NKAIN3: variants seen among roughly 807,000 people sequenced by gnomAD.
NKAIN3 encodes sodium/potassium transporting ATPase interacting 3.
In NKAIN3, 25 loss-of-function variants were observed where a neutral mutation model predicts 30.2. The observed-to-expected ratio is 0.83, with a 90% CI of 0.60 to 1.16. The LOEUF (loss-of-function observed/expected upper bound fraction) is 1.16, where lower values mean the gene tolerates loss of function less well. NKAIN3 is among the 50% of genes most tolerant of loss of function. The pLI is 0.00. For synonymous variants in NKAIN3, 91 were observed against 89.6 expected, an observed-to-expected ratio of 1.02 and a Z score of -0.09; for missense variants, 225 against 254.1, an observed-to-expected ratio of 0.89 and a Z score of 0.78.
intron 1 of NKAIN3, among the ~76,000 whole-genome samples, chr8:62,545,375 C>T (rs1808971762): frequency 6.6e-6 from 1 of 152,064 alleles, no homozygotes; most frequent in African/African-American, 2.4e-5. Flanking sequence ...CATTTGAGGC[C>T]AGGAGTTCAA....
chr8:62,434,368 C>G (rs1805106347), intron 1 of NKAIN3, among the ~76,000 whole-genome samples: 1 of 152,120 alleles, frequency 6.6e-6, no homozygotes, highest in Admixed American at 6.5e-5. Flanking sequence ...TTCCTGGATG[C>G]AGTGGCATTG....
chr8:62,704,523 A>C (rs1167369834), intron 3 of NKAIN3, among the ~76,000 whole-genome samples: 6 of 152,090 alleles, frequency 3.9e-5, no homozygotes, highest in Non-Finnish European at 2.9e-5. Flanking sequence ...AACAATTCTT[A>C]GTTGTAGGCT....
rs60157619 is a variant in NKAIN3, at chr8:62,608,709, T to C, written c.273+18915T>C. Among the ~76,000 whole-genome samples, 693 of 152,334 alleles carry C rather than the reference T, an allele frequency of 4.5e-3. 2 individuals carry two copies. Among genetic ancestry groups the C allele is most frequent in the African/African-American group, 0.016 (655 of 41,586 alleles). ...ACTTTAACTTCCTTAAACTTTCTTA[T>C]AGAAGTCACAAATATTTTTATAATT... On this transcript the variant is annotated intron_variant, in intron 3 of 6. Coordinates refer to ENST00000623646, the MANE Select transcript of NKAIN3 (RefSeq NM_001304533.3).
rs927519131 is a variant in NKAIN3 at position 62,967,869 on chromosome 8, C to T, written c.*2462C>T. Among the ~76,000 whole-genome samples the T allele has an allele frequency of 3.3e-5, 5 of 152,204 alleles. No individual in the cohort carries two copies. Among genetic ancestry groups the T allele is most frequent in the Admixed American group, 6.5e-5 (1 of 15,282 alleles). On this transcript the variant is annotated 3_prime_UTR_variant, in exon 7 of 7. Coordinates refer to ENST00000623646, the MANE Select transcript of NKAIN3 (RefSeq NM_001304533.3). ...AAATTTTGTTTCTATTTTATCTTCACGTGAATTTGTACATAGTTCTAGTAG... is the reference window on the plus strand; with the variant it reads ...AAATTTTGTTTCTATTTTATCTTCATGTGAATTTGTACATAGTTCTAGTAG...
intron 1 of NKAIN3, among the ~76,000 whole-genome samples, chr8:62,425,164 A>G (rs1461347658): frequency 6.6e-6 from 1 of 151,826 alleles, no homozygotes; most frequent in African/African-American, 2.4e-5. Flanking sequence ...CAACAGGTAT[A>G]AAGTTTCAGT....
intron 1 of NKAIN3, among the ~76,000 whole-genome samples, chr8:62,532,157 G>A (rs1181251953): frequency 2.0e-5 from 3 of 152,026 alleles, no homozygotes; most frequent in Non-Finnish European, 4.4e-5. Flanking sequence ...TTAAACTATT[G>A]TTTGTCGGTG....
intron 2 of NKAIN3, among the ~76,000 whole-genome samples, chr8:62,584,229 A>G (rs1191711854): frequency 4.6e-5 from 7 of 152,206 alleles, no homozygotes; most frequent in Admixed American, 3.9e-4. Flanking sequence ...ACCACCACAC[A>G]GATAGGTCAA....
At chr8:62,416,242 T>G (rs1351410208) in intron 1 of NKAIN3, among the ~76,000 whole-genome samples, 4 of 152,216 alleles carry the variant, frequency 2.6e-5, no homozygotes, top group Non-Finnish European at 5.9e-5. Flanking sequence ...ATTCAATAGC[T>G]GTATTCAGTC....
chr8:62,801,241 G>C (rs900088167), intron 4 of NKAIN3, among the ~76,000 whole-genome samples: 14 of 152,314 alleles, frequency 9.2e-5, no homozygotes, highest in Admixed American at 5.9e-4. Flanking sequence ...ACATGTCCCT[G>C]TCTGACAGCT....
intron 4 of NKAIN3, among the ~76,000 whole-genome samples, chr8:62,758,450 T>C (rs913510712): frequency 6.6e-6 from 1 of 152,206 alleles, no homozygotes; most frequent in African/African-American, 2.4e-5. Context: ...ATTCATTGCA[T>C]TATTTTTTCA....
intron 4 of NKAIN3, among the ~76,000 whole-genome samples, chr8:62,892,882 G>C (rs1469053971): frequency 3.3e-5 from 5 of 152,126 alleles, no homozygotes; most frequent in African/African-American, 1.2e-4. Flanking sequence ...AGATTTGTTG[G>C]TGGTGATAAC....
At chr8:62,477,995 C>G (rs537199613) in intron 1 of NKAIN3, among the ~76,000 whole-genome samples, 2 of 152,176 alleles carry the variant, frequency 1.3e-5, no homozygotes, top group African/African-American at 4.8e-5. Flanking sequence ...CCAGAAAAGG[C>G]AAGCTCACTT....
At chr8:62,260,001 A>AT (rs1010521792) in intron 1 of NKAIN3, among the ~76,000 whole-genome samples, 4 of 152,056 alleles carry the variant, frequency 2.6e-5, no homozygotes, top group African/African-American at 7.2e-5. Context: ...CATTTTTTAG[A>AT]TTTTTTTCTT....
chr8:62,635,391 C>T (rs1812095974), intron 3 of NKAIN3, among the ~76,000 whole-genome samples: 1 of 152,122 alleles, frequency 6.6e-6, no homozygotes, highest in African/African-American at 2.4e-5. Flanking sequence ...ATTGCAAAGT[C>T]AAATCCTGTG....
chr8:62,271,483 G>T (rs188757256), intron 1 of NKAIN3, among the ~76,000 whole-genome samples: 152 of 152,264 alleles, frequency 1.0e-3, no homozygotes, highest in African/African-American at 3.5e-3. Flanking sequence ...CAGGAAGTTT[G>T]CAGGGTTAGT....
At chr8:62,688,377 T>G (rs779453138) in intron 3 of NKAIN3, among the ~76,000 whole-genome samples, 1 of 152,178 alleles carries the variant, frequency 6.6e-6, no homozygotes, top group Admixed American at 6.5e-5. Flanking sequence ...TTAAGTGAAA[T>G]AAATATACAT....
intron 5 of NKAIN3, among the ~76,000 whole-genome samples, chr8:62,933,274 C>T (rs1430624732): frequency 6.6e-6 from 1 of 151,844 alleles, no homozygotes; most frequent in African/African-American, 2.4e-5. Flanking sequence ...ATAATAGGAG[C>T]TATAAAAAAA....
In NKAIN3 at chr8:62,863,696, T is replaced by A; in HGVS notation, c.472-54757T>A. The A allele has an allele frequency of 2.0e-6, 3 of 1,468,106 alleles. No homozygotes were observed. The African/African-American group carries it at 4.2e-5, about 20-fold the overall frequency. The allele number at this position is 1,468,106 out of a possible 1,614,324, so 90.9% of individuals were successfully genotyped here. A position where few individuals can be genotyped will look rare whatever the true frequency, so the allele number is the denominator to read the frequency against. On this transcript the variant is annotated intron_variant, in intron 4 of 6. Coordinates refer to ENST00000623646, the MANE Select transcript of NKAIN3 (RefSeq NM_001304533.3). The stretch of plus-strand genomic sequence containing the variant: ...CAATTTTATTTCATCCAAGGCTGTG[T>A]CTGTATCACGCTGAGCACTTTTTAC...
chr8:62,951,416 G>T (rs1427116767), intron 5 of NKAIN3, among the ~76,000 whole-genome samples: 1 of 152,128 alleles, frequency 6.6e-6, no homozygotes, highest in Non-Finnish European at 1.5e-5. Context: ...TTTTAATCCA[G>T]TTCATAGAAT....
Sources: allele counts gnomAD v4.1 joint callset (sites outside exome capture counted in the v4.1 genomes callset), GRCh38; gene constraint gnomAD v4.1.1; transcripts MANE v1.5; gene names NCBI Gene and HGNC (gene_info 2026-07-23, HGNC 2026-07-21).